SLC66A2: variants seen among roughly 807,000 people sequenced by gnomAD.
SLC66A2 encodes the protein solute carrier family 66 member 2.
A neutral mutation model predicts 25.5 loss-of-function variants in SLC66A2; 23 were observed. The observed-to-expected ratio is 0.90, with a 90% CI of 0.65 to 1.28. SLC66A2 has a LOEUF of 1.28. SLC66A2 is among the 50% of genes most tolerant of loss of function. The pLI is 0.00. For missense variants in SLC66A2, 396 were observed against 373.1 expected, an observed-to-expected ratio of 1.06 and a Z score of -0.51; for synonymous variants, 193 against 166.5, an observed-to-expected ratio of 1.16 and a Z score of -1.23.
chr18:79,925,257 G>A (rs953877347), intron 4 of SLC66A2, among the ~76,000 whole-genome samples: 3 of 152,178 alleles, frequency 2.0e-5, no homozygotes, highest in Non-Finnish European at 4.4e-5. Flanking sequence ...GAGCCCGACA[G>A]AAATCCAAGA....
chr18:79,950,589 C>T (rs2051083944), intron 2 of SLC66A2, 135 bp downstream of exon 2: 4 of 772,166 alleles, frequency 5.2e-6, no homozygotes, highest in Non-Finnish European at 8.7e-6. Flanking sequence ...AGCCACGTAC[C>T]CCATCCACGG....
In SLC66A2 at chr18:79,927,862, G is replaced by A. The variant is rs1387376677; in HGVS notation, c.391+6107C>T. ...CTGCCCAGACAGACAAGCGCTCACC[G>A]CCGCACTGCCCTAACAGCTGCTGAG... is the stretch of plus-strand genomic sequence containing the variant. On this transcript the variant is annotated intron_variant, in intron 4 of 5. Coordinates refer to ENST00000397778, the MANE Select transcript of SLC66A2 (RefSeq NM_025078.5). The surrounding 1 kb of genome is among the most constrained non-coding windows in gnomAD (Gnocchi z 6.2). Among the ~76,000 whole-genome samples the A allele has an allele frequency of 9.2e-5, 14 of 152,336 alleles. No homozygotes were observed. The highest frequency in any genetic ancestry group is 5.8e-4 in the East Asian group (3 of 5,182).
chr18:79,949,612 C>T (rs892158915), intron 2 of SLC66A2: 4 of 152,076 alleles, frequency 2.6e-5, no homozygotes, highest in Non-Finnish European at 4.4e-5. Flanking sequence ...TGCAGTGAGC[C>T]GAGATTGTAC....
intron 2 of SLC66A2, among the ~76,000 whole-genome samples, chr18:79,948,631 G>A (rs538395198): frequency 4.0e-5 from 6 of 151,408 alleles, no homozygotes; most frequent in Non-Finnish European, 5.9e-5. Context: ...GCGGGCCACC[G>A]TGCCCAACCT....
At chr18:79,933,465 A>G (rs1986770955) in intron 4 of SLC66A2, among the ~76,000 whole-genome samples, 1 of 152,234 alleles carries the variant, frequency 6.6e-6, no homozygotes, top group Admixed American at 6.5e-5. Flanking sequence ...AAGAATTAAA[A>G]CTATATTTGC....
At position 79,941,830 on chromosome 18, in the gene SLC66A2, C is replaced by A. The variant is rs967285813; in HGVS notation, c.337+1499G>T. The A allele has an allele frequency of 6.6e-6, 1 of 152,340 alleles. No homozygotes were observed. The highest frequency in any genetic ancestry group is 2.1e-4 in the South Asian group (1 of 4,828). The allele number at this position is 152,340 out of a possible 1,614,324, so 9.4% of individuals were successfully genotyped here. ...ACAAGGTCTGGCCTCATGTCCAGAGCCCGAGGACAGCAGAAACACCCAGCA... is the reference window on the plus strand; with the variant it reads ...ACAAGGTCTGGCCTCATGTCCAGAGACCGAGGACAGCAGAAACACCCAGCA... On this transcript the variant is annotated intron_variant, in intron 3 of 5. Transcript: ENST00000397778. This position sits in a 1 kb window ranked among gnomAD's most constrained non-coding sequence, Gnocchi z 4.1.
intron 5 of SLC66A2, among the ~76,000 whole-genome samples, chr18:79,916,414 C>G (rs1250857710): frequency 3.3e-5 from 5 of 152,182 alleles, no homozygotes; most frequent in Admixed American, 3.3e-4. Flanking sequence ...CCTCTGTTCA[C>G]CTGCCCAGGC....
In SLC66A2 at chr18:79,937,802, G is replaced by A. The variant is rs1274649505; in HGVS notation, c.338-3780C>T. 2.0e-5 allele frequency among the ~76,000 whole-genome samples: 3 copies of A among 152,012 alleles called. No homozygotes were observed. Among genetic ancestry groups the A allele is most frequent in the Non-Finnish European group, 2.9e-5 (2 of 68,000 alleles). On this transcript the variant is annotated intron_variant, in intron 3 of 5. Coordinates refer to ENST00000397778, the MANE Select transcript of SLC66A2 (RefSeq NM_025078.5). This position sits in a 1 kb window ranked among gnomAD's most constrained non-coding sequence, Gnocchi z 5.4. Reference sequence around the variant, plus strand: ...CACCTTGTCCTTGTCCACATCCCAGGGACATAAAGACACGAGGAAACACCA... The same window carrying A: ...CACCTTGTCCTTGTCCACATCCCAGAGACATAAAGACACGAGGAAACACCA...
intron 2 of SLC66A2, among the ~76,000 whole-genome samples, chr18:79,948,459 GC>G (rs1444356281): frequency 7.9e-5 from 12 of 152,164 alleles, no homozygotes; most frequent in African/African-American, 2.9e-4. Context: ...TCCTTTCACA[GC>G]CTCGCAAGTA....
At chr18:79,928,811 C>T (rs1283873979) in intron 4 of SLC66A2, among the ~76,000 whole-genome samples, 2 of 152,144 alleles carry the variant, frequency 1.3e-5, no homozygotes, top group Non-Finnish European at 2.9e-5. Flanking sequence ...ACTCAGCCCC[C>T]ACCCATGGCG....
intron 5 of SLC66A2, among the ~76,000 whole-genome samples, chr18:79,911,510 G>A (rs558189857): frequency 6.6e-5 from 10 of 152,232 alleles, no homozygotes; most frequent in South Asian, 2.1e-4. Flanking sequence ...GTCACCGCCC[G>A]GCTCCCTCAC....
intron 5 of SLC66A2, among the ~76,000 whole-genome samples, chr18:79,916,560 T>C (rs2123282378): frequency 6.6e-6 from 1 of 152,304 alleles, no homozygotes; most frequent in East Asian, 1.9e-4. Context: ...TTCAACACCA[T>C]TGTCCATCAC....
intron 5 of SLC66A2, among the ~76,000 whole-genome samples, chr18:79,909,792 T>C (rs1476762622): frequency 4.4e-5 from 2 of 45,298 alleles, no homozygotes; most frequent in African/African-American, 1.9e-4. Flanking sequence ...GTCCCCAACC[T>C]TCCCCACCAT....
chr18:79,923,201 AG>A (rs1450550664), intron 4 of SLC66A2, among the ~76,000 whole-genome samples: 1 of 94,008 alleles, frequency 1.1e-5, no homozygotes, highest in Non-Finnish European at 2.1e-5. Context: ...GGCTATGGAC[AG>A]GGGGGCTGTG....
In SLC66A2 at chr18:79,903,912, G is replaced by T; in HGVS notation, c.*64C>A. 6.9e-7 allele frequency: 1 copy of T among 1,446,668 alleles called. No homozygotes were observed. Among genetic ancestry groups the T allele is most frequent in the Non-Finnish European group, 9.3e-7 (1 of 1,077,350 alleles). The allele number at this position is 1,446,668 out of a possible 1,614,324, so 89.6% of individuals were successfully genotyped here. ...AGGGGCCACAGCACCCACCCTCCCC[G>T]CGGGGAGGTCAGGGCCCACCAGTGC... is the stretch of plus-strand genomic sequence containing the variant. On this transcript the variant is annotated 3_prime_UTR_variant, in exon 6 of 6. Transcript: ENST00000397778.
intron 3 of SLC66A2, among the ~76,000 whole-genome samples, chr18:79,938,966 G>A (rs575270467): frequency 9.6e-4 from 146 of 152,358 alleles, no homozygotes; most frequent in Middle Eastern, 3.4e-3. Context: ...ATGAGCCGCT[G>A]CGACCGGCCA....
chr18:79,943,721 A>T (rs1436547614), intron 2 of SLC66A2: 2 of 399,402 alleles, frequency 5.0e-6, no homozygotes, highest in Non-Finnish European at 9.1e-6. Context: ...CTGCAGCAGG[A>T]AAGATCCTGT....
At chr18:79,905,076 T>C (rs1196625536) in intron 5 of SLC66A2, among the ~76,000 whole-genome samples, 1 of 152,130 alleles carries the variant, frequency 6.6e-6, no homozygotes, top group African/African-American at 2.4e-5. Context: ...GGGCTGGAGC[T>C]AGGAACCCGC....
At chr18:79,912,509 C>T (rs1211966171) in intron 5 of SLC66A2, among the ~76,000 whole-genome samples, 7 of 151,400 alleles carry the variant, frequency 4.6e-5, no homozygotes, top group African/African-American at 1.5e-4. Context: ...CGCCAGGCCA[C>T]GTGTCGCCAG....
Sources: gnomAD v4.1 joint callset for allele counts (sites outside exome capture counted in the v4.1 genomes callset) on GRCh38, gnomAD v4.1.1 for gene constraint, Gnocchi (gnomAD v3.1) non-coding constraint, MANE v1.5 for transcripts, NCBI Gene and HGNC (gene_info 2026-07-23, HGNC 2026-07-21) for gene names.